Variants in UTS2B observed in about 807,000 individuals in gnomAD.
UTS2B encodes urotensin 2B.
In UTS2B, 21 loss-of-function variants were observed where a neutral mutation model predicts 19.2. That is an observed-to-expected ratio of 1.09 (90% confidence interval 0.78 to 1.58). The LOEUF (loss-of-function observed/expected upper bound fraction) is 1.58. UTS2B is among the 40% of genes most tolerant of loss of function. UTS2B has a pLI of 0.00. For synonymous variants in UTS2B, 57 were observed against 50.2 expected, an observed-to-expected ratio of 1.14 and a Z score of -0.58; for missense variants, 138 against 130.3, an observed-to-expected ratio of 1.06 and a Z score of -0.29.
At chr3:191,301,373 C>T (rs1240413158) in intron 4 of UTS2B, among the ~76,000 whole-genome samples, 1 of 151,758 alleles carries the variant, frequency 6.6e-6, no homozygotes, top group Admixed American at 6.6e-5. Flanking sequence ...TTTCTCACCA[C>T]AAGAGTGTTG....
chr3:191,289,408 C>CAATAAATAAATA (rs373034429), intron 4 of UTS2B, among the ~76,000 whole-genome samples: 2,044 of 139,302 alleles, frequency 0.015, 32 homozygotes, highest in South Asian at 0.03. Flanking sequence ...GACTCCATCT[C>CAATAAATAAATA]AATAAATAAA....
intron 4 of UTS2B, among the ~76,000 whole-genome samples, chr3:191,295,708 A>G (rs924653462): frequency 6.6e-6 from 1 of 151,820 alleles, no homozygotes; most frequent in African/African-American, 2.4e-5. Flanking sequence ...TGTATCATTT[A>G]TTTTTCAGTA....
intron 1 of UTS2B, chr3:191,329,828 T>G (rs1257686853): frequency 2.6e-6 from 3 of 1,144,354 alleles, no homozygotes; most frequent in African/African-American, 3.2e-5. Context: ...CCTCGCCCGG[T>G]GCCCGCCCTG....
At chr3:191,323,007 G>A (rs1042004887) in intron 2 of UTS2B, among the ~76,000 whole-genome samples, 2 of 152,092 alleles carry the variant, frequency 1.3e-5, no homozygotes, top group African/African-American at 2.4e-5. Flanking sequence ...TGCCATTCTG[G>A]TTGTTAAATG....
At chr3:191,268,740 T>C (rs1332645056) in intron 8 of UTS2B, among the ~76,000 whole-genome samples, 3 of 152,194 alleles carry the variant, frequency 2.0e-5, no homozygotes, top group Non-Finnish European at 4.4e-5. Context: ...TGGACAACAC[T>C]GTTATAAATT....
intron 2 of UTS2B, among the ~76,000 whole-genome samples, chr3:191,318,108 G>A (rs953399013): frequency 6.6e-6 from 1 of 152,212 alleles, no homozygotes; most frequent in Non-Finnish European, 1.5e-5. Flanking sequence ...GGGCATGTGC[G>A]ATGAGAAGCA....
At chr3:191,321,893 G>A (rs1398238398) in intron 2 of UTS2B, among the ~76,000 whole-genome samples, 2 of 152,174 alleles carry the variant, frequency 1.3e-5, no homozygotes, top group Non-Finnish European at 2.9e-5. Context: ...CAGGCGTGGT[G>A]GCGGGTGCCT....
At position 191,282,229 on chromosome 3, in the gene UTS2B, T is replaced by G. The variant is rs1337353039; in HGVS notation, c.-40A>C. 6.7e-7 allele frequency: 1 copy of G among 1,487,380 alleles called. No homozygotes were observed. 92.1% of individuals were successfully genotyped at this position (1,487,380 alleles called of 1,614,324 possible). A position where few individuals can be genotyped will look rare whatever the true frequency, so the allele number is the denominator to read the frequency against. On this transcript the variant is annotated 5_prime_UTR_variant, in exon 5 of 9. Transcript: ENST00000340524. Reference sequence around the variant, plus strand: ...TCTGGACTAGCAAAGAAACAGACTTTCCAGGTCAAGATGGATATTTCTATA... The same window carrying G: ...TCTGGACTAGCAAAGAAACAGACTTGCCAGGTCAAGATGGATATTTCTATA...
intron 2 of UTS2B, among the ~76,000 whole-genome samples, chr3:191,321,857 C>T (rs904490233): frequency 2.0e-5 from 3 of 152,048 alleles, no homozygotes; most frequent in Non-Finnish European, 4.4e-5. Context: ...TGAAACCCCT[C>T]CTCTACTAAA....
chr3:191,311,361 G>A (rs181795632), intron 3 of UTS2B, among the ~76,000 whole-genome samples: 1 of 152,328 alleles, frequency 6.6e-6, no homozygotes, highest in East Asian at 1.9e-4. Flanking sequence ...GCTGTGAACA[G>A]ACTTACATAT....
At chr3:191,281,649 T>C (rs1298538049) in intron 5 of UTS2B, among the ~76,000 whole-genome samples, 1 of 54,926 alleles carries the variant, frequency 1.8e-5, no homozygotes, top group Non-Finnish European at 5.9e-5. Flanking sequence ...TATCTTGATG[T>C]ATTTTTCATT....
At chr3:191,309,686 G>A (rs926041650) in intron 3 of UTS2B, among the ~76,000 whole-genome samples, 3 of 152,094 alleles carry the variant, frequency 2.0e-5, no homozygotes, top group Non-Finnish European at 4.4e-5. Context: ...CCTCGATGCT[G>A]TTTTGGTAAT....
At chr3:191,287,667 T>C (rs1716594198) in intron 4 of UTS2B, among the ~76,000 whole-genome samples, 1 of 152,070 alleles carries the variant, frequency 6.6e-6, no homozygotes, top group African/African-American at 2.4e-5. Flanking sequence ...AGGTAAAAAG[T>C]TGAAACCTTT....
intron 3 of UTS2B, among the ~76,000 whole-genome samples, chr3:191,309,628 T>C (rs1308389595): frequency 1.3e-5 from 2 of 152,116 alleles, no homozygotes; most frequent in African/African-American, 4.8e-5. Flanking sequence ...TGGTGGGAGG[T>C]AATTGGATCA....
chr3:191,270,587 A>AT (rs368200300), intron 8 of UTS2B, among the ~76,000 whole-genome samples: 17 of 151,898 alleles, frequency 1.1e-4, no homozygotes, highest in East Asian at 3.9e-4. Flanking sequence ...TGATATACCA[A>AT]TTTTTTTTCT....
At chr3:191,318,764 C>G (rs1717533446) in intron 2 of UTS2B, among the ~76,000 whole-genome samples, 1 of 152,176 alleles carries the variant, frequency 6.6e-6, no homozygotes, top group Admixed American at 6.5e-5. Context: ...AGCTGCTGTG[C>G]CTGGCTGAAG....
chr3:191,315,254 C>G (rs1201171691), intron 3 of UTS2B, among the ~76,000 whole-genome samples: 3 of 152,196 alleles, frequency 2.0e-5, no homozygotes, highest in African/African-American at 7.2e-5. Context: ...CTCAGGTGAT[C>G]TGCTCGCCTC....
rs60815436 is a variant in UTS2B at position 191,322,048 on chromosome 3, A to ATGTGTG, written c.-585-5615_-585-5610dup. On this transcript the variant is annotated intron_variant, in intron 2 of 8. Coordinates refer to ENST00000340524, the MANE Select transcript of UTS2B (RefSeq NM_198152.5). ...ATCGGAAAAATATATATACATATAT[A>ATGTGTG]TGTGTGTGTGTGTGTGTGACTATAT... 1.3e-3 allele frequency among the ~76,000 whole-genome samples: 194 copies of ATGTGTG among 151,060 alleles called. 3 individuals carry two copies. Among genetic ancestry groups the ATGTGTG allele is most frequent in the African/African-American group, 2.9e-3 (120 of 41,132 alleles).
chr3:191,322,851 T>C (rs1242794328), intron 2 of UTS2B, among the ~76,000 whole-genome samples: 2 of 152,210 alleles, frequency 1.3e-5, no homozygotes, highest in Non-Finnish European at 2.9e-5. Flanking sequence ...TGTAAATAAT[T>C]GCTCTTCTGA....
Sources: allele counts gnomAD v4.1 joint callset (sites outside exome capture counted in the v4.1 genomes callset), GRCh38; gene constraint gnomAD v4.1.1; transcripts MANE v1.5; gene names NCBI Gene and HGNC (gene_info 2026-07-23, HGNC 2026-07-21).